Variants in CALN1 observed in about 807,000 individuals in gnomAD.
The protein encoded by CALN1 is calcium-binding protein 8.
Under a neutral mutation model 30.6 loss-of-function variants are expected in CALN1, and 17 were observed. The ratio of observed to expected loss-of-function variants is 0.56; its 90% confidence interval spans 0.38 to 0.83. The LOEUF (loss-of-function observed/expected upper bound fraction) is 0.83, where lower values mean the gene tolerates loss of function less well. CALN1 is among the 40% of genes least tolerant of loss of function. The pLI, the probability that CALN1 is intolerant of heterozygous loss-of-function variation, is 0.00. For synonymous variants in CALN1, 156 were observed against 131.4 expected, an observed-to-expected ratio of 1.19 and a Z score of -1.28; for missense variants, 291 against 354.9, an observed-to-expected ratio of 0.82 and a Z score of 1.45.
intron 3 of CALN1, among the ~76,000 whole-genome samples, chr7:72,196,004 T>G (rs1457440638): frequency 1.3e-5 from 2 of 151,962 alleles, no homozygotes; most frequent in Non-Finnish European, 2.9e-5. Flanking sequence ...ATATGAAATG[T>G]CCAAAATAAG....
At chr7:72,409,113 A>G (rs1286980450) in intron 1 of CALN1, among the ~76,000 whole-genome samples, 1 of 151,866 alleles carries the variant, frequency 6.6e-6, no homozygotes, top group African/African-American at 2.4e-5. Context: ...CTCCTGACTC[A>G]GCCTCCCCAG....
intron 4 of CALN1, among the ~76,000 whole-genome samples, chr7:72,041,196 G>A (rs188194849): frequency 1.3e-5 from 2 of 152,102 alleles, no homozygotes; most frequent in African/African-American, 4.8e-5. Context: ...CAAGAGAGAG[G>A]CATGTGCCTG....
upstream of CALN1, among the ~76,000 whole-genome samples, chr7:72,412,672 C>A (rs535600132): frequency 1.3e-5 from 2 of 152,192 alleles, no homozygotes; most frequent in Non-Finnish European, 2.9e-5. Flanking sequence ...TCCCCTCACC[C>A]TTCCCCCATG....
intron 5 of CALN1, among the ~76,000 whole-genome samples, chr7:71,884,560 A>G (rs1426163890): frequency 1.3e-5 from 2 of 151,896 alleles, no homozygotes; most frequent in African/African-American, 4.8e-5. Flanking sequence ...TACACTGGGA[A>G]CAGTCACCTT....
At chr7:71,909,384 CAT>C (rs1421489893) in intron 5 of CALN1, among the ~76,000 whole-genome samples, 1 of 152,012 alleles carries the variant, frequency 6.6e-6, no homozygotes, top group African/African-American at 2.4e-5. Context: ...CAAGGATTCA[CAT>C]ATGTTTCTCA....
rs2115828908 is a variant in CALN1 at position 71,787,700 on chromosome 7, T to C, written c.*75A>G. The stretch of plus-strand genomic sequence containing the variant: ...ATAGTCCATAGGTCCGTGTCTGCTG[T>C]GTGGAGGAAGAGTCTGCCCGCACGG... On this transcript the variant is annotated 3_prime_UTR_variant, in exon 7 of 7. Transcript: ENST00000395275. 1.9e-6 allele frequency: 3 copies of C among 1,581,596 alleles called. No homozygotes were observed. Among genetic ancestry groups the C allele is most frequent in the Middle Eastern group, 4.3e-4 (2 of 4,606 alleles).
intron 3 of CALN1, among the ~76,000 whole-genome samples, chr7:72,216,331 C>T (rs1057262677): frequency 6.6e-6 from 1 of 151,870 alleles, no homozygotes; most frequent in African/African-American, 2.4e-5. Context: ...GAGGCCTAAG[C>T]AGGAGGATCA....
At chr7:72,079,605 ACTGTACAGGTCATTCCTACATTTCTGGGT>A (rs1340486764) in intron 4 of CALN1, among the ~76,000 whole-genome samples, 11 of 152,070 alleles carry the variant, frequency 7.2e-5, no homozygotes, top group Admixed American at 2.0e-4. Flanking sequence ...AAGACTGGCT[ACTGTACAGGTCATTCCTACATTTCTGGGT>A]CACCATGGTC....
chr7:72,433,733 A>G (rs1808052416), intron 1 of CALN1, among the ~76,000 whole-genome samples: 1 of 152,156 alleles, frequency 6.6e-6, no homozygotes, highest in Admixed American at 6.5e-5. Flanking sequence ...GGATGCTGCT[A>G]TCAACTCAAA....
At chr7:72,467,692 A>G in the CALN1 span, among the ~76,000 whole-genome samples, 1 of 152,186 alleles carries the variant, frequency 6.6e-6, no homozygotes, top group Non-Finnish European at 1.5e-5. Flanking sequence ...GTCCTCTGCT[A>G]CACAACTATT....
the CALN1 span, among the ~76,000 whole-genome samples, chr7:72,486,203 T>A: frequency 6.6e-6 from 1 of 152,156 alleles, no homozygotes; most frequent in Non-Finnish European, 1.5e-5. Context: ...AGAAAAGGTA[T>A]AGTAAAGATA....
chr7:71,788,628 G>A (rs1026401753), intron 6 of CALN1, among the ~76,000 whole-genome samples: 1 of 151,278 alleles, frequency 6.6e-6, no homozygotes, highest in Non-Finnish European at 1.5e-5. Flanking sequence ...CTGAGTAGCT[G>A]GAACTACAAG....
chr7:72,158,922 G>A (rs1172194696), intron 3 of CALN1, among the ~76,000 whole-genome samples: 2 of 152,010 alleles, frequency 1.3e-5, no homozygotes, highest in East Asian at 1.9e-4. Context: ...CAGTGGTCTC[G>A]ACTCACTGCA....
chr7:72,203,812 A>AT (rs907709213), intron 3 of CALN1, among the ~76,000 whole-genome samples: 3 of 151,220 alleles, frequency 2.0e-5, no homozygotes, highest in Non-Finnish European at 4.4e-5. Context: ...GTTTAATAAC[A>AT]TTTTTTTTTC....
At chr7:72,190,192 C>A (rs1562711646) in intron 3 of CALN1, among the ~76,000 whole-genome samples, 1 of 152,100 alleles carries the variant, frequency 6.6e-6, no homozygotes, top group African/African-American at 2.4e-5. Flanking sequence ...CCCGTCTCTA[C>A]TAAAAACATA....
chr7:72,156,959 G>T (rs534806433), intron 3 of CALN1, among the ~76,000 whole-genome samples: 1 of 152,306 alleles, frequency 6.6e-6, no homozygotes, highest in East Asian at 1.9e-4. Flanking sequence ...TTACTACCAA[G>T]ACATAACCTC....
At chr7:71,842,417 C>T (rs2116506355) in intron 5 of CALN1, among the ~76,000 whole-genome samples, 1 of 152,302 alleles carries the variant, frequency 6.6e-6, no homozygotes, top group East Asian at 1.9e-4. Context: ...AGACAGAATC[C>T]ATTCTCACCT....
At chr7:71,816,430 G>A (rs1213551725) in intron 5 of CALN1, among the ~76,000 whole-genome samples, 1 of 152,080 alleles carries the variant, frequency 6.6e-6, no homozygotes, top group Non-Finnish European at 1.5e-5. Flanking sequence ...GCATGAAGAG[G>A]ATGATTTACA....
chr7:72,388,554 C>A (rs1200097065), intron 2 of CALN1, among the ~76,000 whole-genome samples: 1 of 152,156 alleles, frequency 6.6e-6, no homozygotes, highest in Non-Finnish European at 1.5e-5. Context: ...GGCGATACTG[C>A]GTGTTGGGGA....
Sources: allele counts gnomAD v4.1 joint callset (sites outside exome capture counted in the v4.1 genomes callset), GRCh38; gene constraint gnomAD v4.1.1; transcripts MANE v1.5; gene names NCBI Gene and HGNC (gene_info 2026-07-23, HGNC 2026-07-21).